CDH12: variants seen among roughly 807,000 people sequenced by gnomAD.
CDH12 encodes cadherin-12.
A neutral mutation model predicts 74.1 loss-of-function variants in CDH12; 41 were observed. That is an observed-to-expected ratio of 0.55 (90% CI 0.43 to 0.72). The LOEUF is 0.72. CDH12 is among the 30% of genes least tolerant of loss of function. The probability of loss-of-function intolerance (pLI) is 0.00; values close to 1 mark genes in which losing one functional copy is unlikely to be tolerated. For missense variants in CDH12, 945 were observed against 977.2 expected, an observed-to-expected ratio of 0.97 and a Z score of 0.44; for synonymous variants, 399 against 355.0, an observed-to-expected ratio of 1.12 and a Z score of -1.39.
intron 5 of CDH12, among the ~76,000 whole-genome samples, chr5:22,051,352 CT>C (rs1740352580): frequency 6.6e-6 from 1 of 152,048 alleles, no homozygotes. Flanking sequence ...ATAATACTTT[CT>C]TTATTGAGTT....
intron 4 of CDH12, among the ~76,000 whole-genome samples, chr5:22,160,129 G>C (rs1013506038): frequency 5.9e-5 from 9 of 152,158 alleles, no homozygotes; most frequent in African/African-American, 2.2e-4. Flanking sequence ...ACTCCTCAAA[G>C]ACTCTTCAGT....
chr5:21,784,987 G>A (rs1746121927), intron 10 of CDH12, among the ~76,000 whole-genome samples: 2 of 152,034 alleles, frequency 1.3e-5, no homozygotes, highest in Admixed American at 1.3e-4. Flanking sequence ...TTGCAACCCT[G>A]TGTCAAGCAA....
At chr5:22,046,452 T>TTTTTTTTTTTA (rs10527938) in intron 5 of CDH12, among the ~76,000 whole-genome samples, 1 of 134,880 alleles carries the variant, frequency 7.4e-6, no homozygotes, top group African/African-American at 2.9e-5. Flanking sequence ...TTTTTTTTTT[T>TTTTTTTTTTTA]GAGACGGAGT....
At chr5:22,842,232 T>C (rs1157463140) in intron 1 of CDH12, among the ~76,000 whole-genome samples, 3 of 152,062 alleles carry the variant, frequency 2.0e-5, no homozygotes, top group Non-Finnish European at 4.4e-5. Flanking sequence ...TTACCTGAAA[T>C]GTATAATGTT....
At chr5:21,907,955 A>C (rs189077686) in intron 6 of CDH12, among the ~76,000 whole-genome samples, 2 of 152,318 alleles carry the variant, frequency 1.3e-5, no homozygotes, top group Non-Finnish European at 2.9e-5. Flanking sequence ...AAGAATGCCC[A>C]GTACATTGCA....
At chr5:22,098,256 C>G (rs1026326132) in intron 4 of CDH12, among the ~76,000 whole-genome samples, 19 of 152,170 alleles carry the variant, frequency 1.2e-4, no homozygotes, top group African/African-American at 4.6e-4. Flanking sequence ...TCTTCCTCAT[C>G]TGTTACCTAT....
chr5:22,272,989 A>C (rs1736468442), intron 3 of CDH12, among the ~76,000 whole-genome samples: 1 of 152,168 alleles, frequency 6.6e-6, no homozygotes, highest in Admixed American at 6.5e-5. Context: ...GAAATGCCAG[A>C]TGCTTATAAA....
At chr5:22,228,526 A>G (rs746655503) in intron 3 of CDH12, among the ~76,000 whole-genome samples, 13 of 152,210 alleles carry the variant, frequency 8.5e-5, no homozygotes, top group Non-Finnish European at 1.8e-4. Context: ...TCTGACAAAA[A>G]TATGTAAATA....
intron 5 of CDH12, among the ~76,000 whole-genome samples, chr5:22,050,638 T>A (rs2150193766): frequency 6.6e-6 from 1 of 152,290 alleles, no homozygotes; most frequent in Non-Finnish European, 1.5e-5. Context: ...TATCACCCTG[T>A]TCAGCTGCAC....
intron 1 of CDH12, among the ~76,000 whole-genome samples, chr5:22,552,999 T>C (rs887656181): frequency 6.6e-6 from 1 of 152,176 alleles, no homozygotes; most frequent in Non-Finnish European, 1.5e-5. Context: ...AACTTGTATC[T>C]TTTAATGGGT....
At chr5:21,941,219 T>A (rs1276581270) in intron 6 of CDH12, among the ~76,000 whole-genome samples, 2 of 152,244 alleles carry the variant, frequency 1.3e-5, no homozygotes, top group East Asian at 3.9e-4. Flanking sequence ...CTAACCAATG[T>A]CAAGCTTTAG....
At chr5:21,980,123 A>T (rs1465182834) in intron 5 of CDH12, among the ~76,000 whole-genome samples, 1 of 149,218 alleles carries the variant, frequency 6.7e-6, no homozygotes, top group African/African-American at 2.5e-5. Flanking sequence ...CGCCCACTTC[A>T]TGTACCCTAA....
intron 1 of CDH12, among the ~76,000 whole-genome samples, chr5:22,608,993 G>A (rs1200944981): frequency 6.6e-6 from 1 of 152,132 alleles, no homozygotes; most frequent in East Asian, 1.9e-4. Context: ...ACCTGGAAGG[G>A]CATTGCTACA....
Position 22,456,248 on chromosome 5 carries a change from G to A in CDH12, c.-428+49022C>T, listed in dbSNP as rs112541356. 2.8e-4 allele frequency among the ~76,000 whole-genome samples: 39 copies of A among 139,080 alleles called. 1 individual carries two copies. The highest frequency in any genetic ancestry group is 1.1e-3 in the Admixed American group (15 of 14,058). The allele number at this position is 139,080 out of a possible 152,430, so 91.2% of individuals were successfully genotyped here. A position where few individuals can be genotyped will look rare whatever the true frequency, so the allele number is the denominator to read the frequency against. ...TTAAATGTTTTGTCTATATATATGT[G>A]TGTGTGTGTGTGTGTGTGTGTGTGT... is the stretch of plus-strand genomic sequence containing the variant. On this transcript the variant is annotated intron_variant, in intron 2 of 14. Transcript: ENST00000382254.
chr5:22,282,661 T>G (rs1173088231), intron 3 of CDH12, among the ~76,000 whole-genome samples: 6 of 152,082 alleles, frequency 3.9e-5, no homozygotes, highest in Non-Finnish European at 7.4e-5. Context: ...CACTGATCAT[T>G]AGAGAAATTC....
intron 4 of CDH12, among the ~76,000 whole-genome samples, chr5:22,111,086 C>A (rs1744787100): frequency 6.6e-6 from 1 of 152,086 alleles, no homozygotes; most frequent in South Asian, 2.1e-4. Context: ...AGTTACTCAA[C>A]TATATTCCAT....
chr5:22,142,298 C>A, intron 4 of CDH12: 1 of 282,754 alleles, frequency 3.5e-6, no homozygotes, highest in South Asian at 4.1e-5. Flanking sequence ...AAAAGAAAGC[C>A]TATATGAAGT....
At chr5:22,096,970 C>T (rs1190541372) in intron 4 of CDH12, among the ~76,000 whole-genome samples, 1 of 152,178 alleles carries the variant, frequency 6.6e-6, no homozygotes, top group Non-Finnish European at 1.5e-5. Context: ...TAGAGGCAGC[C>T]AAGTAGCAAC....
chr5:22,248,037 C>T lies in CDH12; in HGVS notation c.-332-35394G>A, dbSNP rs555524220. 1.3e-4 allele frequency among the ~76,000 whole-genome samples: 20 copies of T among 152,306 alleles called. No individual in the cohort carries two copies. In the East Asian group the frequency reaches 3.7e-3, roughly 28 times the overall value. Reference sequence around the variant, plus strand: ...CTCGGCCAGGTACAGTGGCTCACGCCTGTAATCCAAGCACTTTGGGAGGCC... The same window carrying T: ...CTCGGCCAGGTACAGTGGCTCACGCTTGTAATCCAAGCACTTTGGGAGGCC... On this transcript the variant is annotated intron_variant, in intron 3 of 14. Transcript: ENST00000382254.
Sources: gnomAD v4.1 joint callset for allele counts (sites outside exome capture counted in the v4.1 genomes callset) on GRCh38, gnomAD v4.1.1 for gene constraint, MANE v1.5 for transcripts, NCBI Gene and HGNC (gene_info 2026-07-23, HGNC 2026-07-21) for gene names.